The following SPIDR variants were observed in gnomAD, a reference collection of about 807,000 sequenced individuals.
SPIDR encodes scaffold protein involved in DNA repair, also known as DNA repair-scaffolding protein.
Under a neutral mutation model 104.6 loss-of-function variants are expected in SPIDR, and 93 were observed. The ratio of observed to expected loss-of-function variants is 0.89; its 90% CI spans 0.75 to 1.06. The LOEUF (loss-of-function observed/expected upper bound fraction) is 1.06, where lower values mean the gene tolerates loss of function less well. Ranked by LOEUF, SPIDR falls within the 50% of genes least tolerant of loss-of-function variation. SPIDR has a pLI of 0.00. For synonymous variants in SPIDR, 431 were observed against 416.9 expected, an observed-to-expected ratio of 1.03 and a Z score of -0.41; for missense variants, 1,154 against 1,111.2, an observed-to-expected ratio of 1.04 and a Z score of -0.55.
intron 3 of SPIDR, among the ~76,000 whole-genome samples, chr8:47,287,799 C>T (rs2039148496): frequency 6.6e-6 from 1 of 152,130 alleles, no homozygotes; most frequent in Non-Finnish European, 1.5e-5. Context: ...ACACATTTTA[C>T]AATCAATTTG....
At position 47,462,383 on chromosome 8, in the gene SPIDR, T is replaced by C. The variant is rs557799740; in HGVS notation, c.1097+21841T>C. Among the ~76,000 whole-genome samples the C allele has an allele frequency of 3.3e-5, 5 of 152,292 alleles. 1 individual carries two copies. In the South Asian group the frequency reaches 1.0e-3, roughly 32 times the overall value. ...GTGGATTCTCTTGGCTTTCCTGGTA[T>C]ATTCCTGCAGTAGTTCTGGAGCCAA... On this transcript the variant is annotated intron_variant, in intron 8 of 19. Coordinates refer to ENST00000297423, the MANE Select transcript of SPIDR (RefSeq NM_001080394.4).
At chr8:47,582,827 TACACACACACACACACACACACACAC>T (rs72295566) in intron 8 of SPIDR, among the ~76,000 whole-genome samples, 3 of 130,186 alleles carry the variant, frequency 2.3e-5, no homozygotes, top group Non-Finnish European at 3.3e-5. Flanking sequence ...AACAACAAAT[TACACACACACACACACACACACACAC>T]ACACACACAC....
intron 8 of SPIDR, among the ~76,000 whole-genome samples, chr8:47,516,331 G>A (rs1471556787): frequency 6.6e-6 from 1 of 152,134 alleles, no homozygotes; most frequent in Non-Finnish European, 1.5e-5. Context: ...ATTTTCAGTG[G>A]TATTAACTAC....
At chr8:47,579,393 G>A (rs543044003) in intron 8 of SPIDR, among the ~76,000 whole-genome samples, 6 of 152,218 alleles carry the variant, frequency 3.9e-5, no homozygotes, top group Non-Finnish European at 7.3e-5. Flanking sequence ...AGAATTTTCT[G>A]CATTGATGGA....
At position 47,404,304 on chromosome 8, in the gene SPIDR, T is replaced by C. The variant is rs188010577; in HGVS notation, c.777-3557T>C. ...CATAGGCAAGGGCAAGGACTTTATG[T>C]CTAAAACACCAAAAGCAATGGCAAC... On this transcript the variant is annotated intron_variant, in intron 6 of 19. Transcript: ENST00000297423. Among the ~76,000 whole-genome samples the C allele has an allele frequency of 3.9e-5, 6 of 152,228 alleles. No homozygotes were observed. The East Asian group carries it at 1.2e-3, about 29-fold the overall frequency.
At chr8:47,422,166 G>A (rs1407201731) in intron 7 of SPIDR, among the ~76,000 whole-genome samples, 3 of 152,204 alleles carry the variant, frequency 2.0e-5, no homozygotes, top group Non-Finnish European at 2.9e-5. Flanking sequence ...GTCAGCAGAG[G>A]TTTCTGCTGC....
At chr8:47,592,479 C>G in intron 8 of SPIDR, 1 of 1,425,180 alleles carries the variant, frequency 7.0e-7, no homozygotes, top group South Asian at 1.1e-5. Context: ...GGGAAGGAAT[C>G]CTGAGAGCCA....
At chr8:47,691,225 AGGT>A (rs1382679277) in intron 11 of SPIDR, among the ~76,000 whole-genome samples, 1 of 139,606 alleles carries the variant, frequency 7.2e-6, no homozygotes, top group African/African-American at 2.6e-5. Flanking sequence ...TAGGAGGCGG[AGGT>A]TGTGGTGAGC....
intron 16 of SPIDR, among the ~76,000 whole-genome samples, chr8:47,723,244 G>A (rs2083674070): frequency 1.3e-5 from 2 of 152,020 alleles, no homozygotes; most frequent in South Asian, 2.1e-4. Flanking sequence ...TTTAATTTGT[G>A]TATTGAGACC....
intron 5 of SPIDR, among the ~76,000 whole-genome samples, chr8:47,352,611 G>T (rs1013338531): frequency 6.6e-6 from 1 of 152,182 alleles, no homozygotes. Context: ...TAGGCCTTGT[G>T]TAGGTTTTCC....
chr8:47,584,688 CT>C (rs1292392179), intron 8 of SPIDR, among the ~76,000 whole-genome samples: 2 of 152,302 alleles, frequency 1.3e-5, no homozygotes, highest in African/African-American at 4.8e-5. Context: ...TTCTTCTTAG[CT>C]GTTAAAACAG....
At chr8:47,490,551 G>T (rs1331086201) in intron 8 of SPIDR, among the ~76,000 whole-genome samples, 1 of 152,222 alleles carries the variant, frequency 6.6e-6, no homozygotes, top group Non-Finnish European at 1.5e-5. Flanking sequence ...GCACATGTAC[G>T]TTTATTGTGG....
rs1163145961 is a variant in SPIDR, at chr8:47,553,625, T to C, written c.1098-42186T>C. ...CATGTAAGGTCTTCTCTACACTCTT[T>C]ATTCTAGTTAGCCATTCGTCTAATC... On this transcript the variant is annotated intron_variant, in intron 8 of 19. Transcript: ENST00000297423. 3.9e-5 allele frequency among the ~76,000 whole-genome samples: 6 copies of C among 152,240 alleles called. 1 individual carries two copies. The highest frequency in any genetic ancestry group is 2.6e-4 in the Admixed American group (4 of 15,286).
At chr8:47,493,666 A>G (rs2079051965) in intron 8 of SPIDR, among the ~76,000 whole-genome samples, 4 of 152,200 alleles carry the variant, frequency 2.6e-5, no homozygotes, top group Admixed American at 2.0e-4. Context: ...CAGGGCTTAG[A>G]TGATGAGAAA....
chr8:47,360,286 G>GC (rs1307987952), intron 5 of SPIDR, among the ~76,000 whole-genome samples: 2 of 145,848 alleles, frequency 1.4e-5, no homozygotes, highest in Non-Finnish European at 3.0e-5. Flanking sequence ...TAGAGGGACT[G>GC]CCTTTCCCTG....
intron 5 of SPIDR, among the ~76,000 whole-genome samples, chr8:47,374,723 A>G (rs1362654452): frequency 1.3e-5 from 2 of 152,140 alleles, no homozygotes; most frequent in Non-Finnish European, 2.9e-5. Flanking sequence ...TAATTTAATC[A>G]AGGAGACAAA....
chr8:47,405,550 A>G (rs2062630770), intron 6 of SPIDR, among the ~76,000 whole-genome samples: 1 of 151,966 alleles, frequency 6.6e-6, no homozygotes, highest in Admixed American at 6.6e-5. Context: ...ACTTCTCCAT[A>G]TTGTTTTTAT....
At chr8:47,618,345 T>G (rs553534862) in intron 10 of SPIDR, among the ~76,000 whole-genome samples, 2 of 152,312 alleles carry the variant, frequency 1.3e-5, no homozygotes, top group East Asian at 3.9e-4. Context: ...TATTAAAATC[T>G]GATATGAATT....
At chr8:47,334,126 C>T (rs1423991342) in intron 5 of SPIDR, among the ~76,000 whole-genome samples, 1 of 152,026 alleles carries the variant, frequency 6.6e-6, no homozygotes, top group Admixed American at 6.5e-5. Context: ...TTATTTTGAT[C>T]TTAGAGAAGA....
Sources: gnomAD v4.1 joint callset for allele counts (sites outside exome capture counted in the v4.1 genomes callset) on GRCh38, gnomAD v4.1.1 for gene constraint, MANE v1.5 for transcripts, NCBI Gene and HGNC (gene_info 2026-07-23, HGNC 2026-07-21) for gene names.